The following CDH23 variants were observed in gnomAD, a reference collection of about 807,000 sequenced individuals.
The protein encoded by CDH23 is cadherin-23.
A neutral mutation model predicts 317.1 loss-of-function variants in CDH23; 189 were observed. That is an observed-to-expected ratio of 0.60 (90% CI 0.53 to 0.67). CDH23 has a LOEUF of 0.67. CDH23 is among the 30% of genes least tolerant of loss of function. The pLI is 0.00. For missense variants in CDH23, 4,401 were observed against 4,592.4 expected (o/e 0.96, Z 1.20); for synonymous variants, 1,839 against 1,876.8 (o/e 0.98, Z 0.52).
intron 38 of CDH23, among the ~76,000 whole-genome samples, chr10:71,759,902 T>C (rs1369297978): frequency 1.5e-4 from 13 of 83,940 alleles, no homozygotes; most frequent in South Asian, 4.4e-4. Context: ...CACACACATA[T>C]ATACACACAC....
intron 8 of CDH23, among the ~76,000 whole-genome samples, chr10:71,572,047 T>C (rs1226929306): frequency 6.6e-6 from 1 of 152,232 alleles, no homozygotes; most frequent in Non-Finnish European, 1.5e-5. Flanking sequence ...ATTTGGCCAC[T>C]TCCTTCTTGG....
chr10:71,505,472 G>A (rs1024853241), intron 3 of CDH23, among the ~76,000 whole-genome samples: 5 of 152,106 alleles, frequency 3.3e-5, no homozygotes, highest in African/African-American at 1.2e-4. Context: ...ATCTTCCACA[G>A]TAACTCGGCG....
At chr10:71,437,623 C>T (rs1203263651) in intron 1 of CDH23, among the ~76,000 whole-genome samples, 1 of 152,194 alleles carries the variant, frequency 6.6e-6, no homozygotes, top group Non-Finnish European at 1.5e-5. Context: ...AGAGAAAGGC[C>T]TGGTAGGATG....
At chr10:71,654,017 G>A (rs1163920088) in intron 14 of CDH23, among the ~76,000 whole-genome samples, 1 of 152,166 alleles carries the variant, frequency 6.6e-6, no homozygotes, top group African/African-American at 2.4e-5. Flanking sequence ...TGGTGCGTTG[G>A]TTGAGTTTTT....
chr10:71,512,239 C>A (rs1020540844), intron 6 of CDH23: 5 of 152,214 alleles, frequency 3.3e-5, no homozygotes, highest in Non-Finnish European at 7.3e-5. Context: ...TCATACACCC[C>A]ACTCCCTGGC....
chr10:71,573,628 A>G (rs1275790142), intron 8 of CDH23, among the ~76,000 whole-genome samples: 1 of 152,122 alleles, frequency 6.6e-6, no homozygotes, highest in Non-Finnish European at 1.5e-5. Flanking sequence ...AAGGATCTTG[A>G]TGTCTCTTTG....
intron 6 of CDH23, among the ~76,000 whole-genome samples, chr10:71,533,351 G>A (rs373192831): frequency 6.6e-6 from 1 of 152,156 alleles, no homozygotes; most frequent in South Asian, 2.1e-4. Flanking sequence ...ATGCCATGCT[G>A]TATTTAGCCT....
chr10:71,544,762 G>C (rs1856179905), intron 6 of CDH23, among the ~76,000 whole-genome samples: 1 of 152,220 alleles, frequency 6.6e-6, no homozygotes. Flanking sequence ...AGCTATCTGG[G>C]GGAAGAAGAT....
At chr10:71,728,380 A>G (rs1326536905) in intron 30 of CDH23, among the ~76,000 whole-genome samples, 1 of 152,068 alleles carries the variant, frequency 6.6e-6, no homozygotes, top group Non-Finnish European at 1.5e-5. Flanking sequence ...AGCGATGCAG[A>G]GAAACTTTTA....
At chr10:71,714,011 ACTC>A (rs1866103525) in intron 28 of CDH23, 1 of 151,704 alleles carries the variant, frequency 6.6e-6, no homozygotes, top group Non-Finnish European at 1.5e-5. Flanking sequence ...ACACAATACT[ACTC>A]TTACTGAAAT....
intron 61 of CDH23, among the ~76,000 whole-genome samples, 195 bp downstream of exon 61, chr10:71,810,271 A>T (rs1841877129): frequency 6.6e-6 from 1 of 152,216 alleles, no homozygotes; most frequent in Admixed American, 6.5e-5. Context: ...CTTCCATAAA[A>T]TGGGGCCAAT....
chr10:71,778,962 G>T (rs768834094), intron 40 of CDH23, among the ~76,000 whole-genome samples: 10 of 152,106 alleles, frequency 6.6e-5, no homozygotes, highest in African/African-American at 1.9e-4. Context: ...GTGGGGTCTT[G>T]CTATATTGCC....
chr10:71,760,138 CAT>C lies in CDH23; in HGVS notation c.4846-17535_4846-17534del, dbSNP rs1174161486. On this transcript the variant is annotated intron_variant, in intron 38 of 69. Transcript: ENST00000224721. ...ATATGTGTGTATATATATGTATATA[CAT>C]ATATATGTGTGTATATATATGTATA... Among the ~76,000 whole-genome samples, 48 of 35,428 alleles carry C rather than the reference CAT, an allele frequency of 1.4e-3. 10 individuals carry two copies. Among genetic ancestry groups the C allele is most frequent in the African/African-American group, 5.9e-3 (48 of 8,190 alleles). 23.2% of individuals were successfully genotyped at this position (35,428 alleles called of 152,430 possible). A position where few individuals can be genotyped will look rare whatever the true frequency, so the allele number is the denominator to read the frequency against.
At chr10:71,547,576 T>C (rs1856352530) in intron 6 of CDH23, among the ~76,000 whole-genome samples, 1 of 152,154 alleles carries the variant, frequency 6.6e-6, no homozygotes, top group African/African-American at 2.4e-5. Context: ...AGGGCATTCA[T>C]AGCGCCACGG....
intron 16 of CDH23, 55 bp downstream of exon 16, chr10:71,677,748 A>G: frequency 7.1e-7 from 1 of 1,400,566 alleles, no homozygotes; most frequent in South Asian, 1.2e-5. Flanking sequence ...TTCTCCCTGT[A>G]CTTGCTTGCT....
intron 48 of CDH23, chr10:71,795,828 C>A (rs1841386261): frequency 3.0e-6 from 3 of 987,342 alleles, no homozygotes; most frequent in Non-Finnish European, 3.6e-6. Context: ...TCATGGCTGG[C>A]AGGCCCACAG....
chr10:71,804,426 T>C (rs1337402009), intron 55 of CDH23, among the ~76,000 whole-genome samples: 1 of 152,188 alleles, frequency 6.6e-6, no homozygotes, highest in African/African-American at 2.4e-5. Context: ...AGGCCCAAAG[T>C]GCTCCGTAGT....
intron 39 of CDH23, 53 bp from the exon 40 acceptor site, chr10:71,778,136 C>T: frequency 6.2e-7 from 1 of 1,607,466 alleles, no homozygotes; most frequent in South Asian, 1.1e-5. Flanking sequence ...TCAGAGGGTG[C>T]TGCAGACCTA....
intron 9 of CDH23, among the ~76,000 whole-genome samples, chr10:71,611,668 G>A (rs1463003231): frequency 6.6e-6 from 1 of 152,208 alleles, no homozygotes; most frequent in Non-Finnish European, 1.5e-5. Context: ...CACACAGCCA[G>A]TAAGTAGCAG....
Sources: gnomAD v4.1 joint callset for allele counts (sites outside exome capture counted in the v4.1 genomes callset) on GRCh38, gnomAD v4.1.1 for gene constraint, MANE v1.5 for transcripts, NCBI Gene and HGNC (gene_info 2026-07-23, HGNC 2026-07-21) for gene names.